The following SYNE2 variants were observed in gnomAD, a reference collection of about 807,000 sequenced individuals.
The protein encoded by SYNE2 is nesprin-2.
SYNE2 carries 431 observed loss-of-function variants against 856.3 expected under a neutral mutation model. The observed-to-expected ratio is 0.50, with a 90% CI of 0.47 to 0.55. SYNE2 has a LOEUF of 0.55. Ranked by LOEUF, SYNE2 falls within the 20% of genes least tolerant of loss-of-function variation. SYNE2 has a pLI of 0.00. For missense variants in SYNE2, 8,129 were observed against 8,023.2 expected (o/e 1.01, Z -0.50); for synonymous variants, 2,923 against 2,872.3 (o/e 1.02, Z -0.56).
At chr14:63,951,809 A>G (rs138934221) in intron 7 of SYNE2, among the ~76,000 whole-genome samples, 7 of 152,314 alleles carry the variant, frequency 4.6e-5, no homozygotes, top group African/African-American at 1.2e-4. Context: ...GATTTATTTC[A>G]TTTATGCATA....
chr14:64,125,217 G>A lies in SYNE2; in HGVS notation c.13554+7G>A. ...AAGTAACCTTCAGACACAGGTAGAA[G>A]CTGCACACAATGTGTTTTCCTCATT... On this transcript the variant is annotated splice_region_variant and intron_variant, in intron 71 of 115. Transcript: ENST00000555002. 1 of 1,614,042 alleles carries A rather than the reference G, an allele frequency of 6.2e-7. No homozygotes were observed. Among genetic ancestry groups the A allele is most frequent in the Non-Finnish European group, 8.5e-7 (1 of 1,179,982 alleles).
chr14:64,070,830 G>C lies in SYNE2; in HGVS notation c.10617G>C (p.Gln3539His). 1 of 1,614,182 alleles carries C rather than the reference G, an allele frequency of 6.2e-7. No individual in the cohort carries two copies. The highest frequency in any genetic ancestry group is 8.5e-7 in the Non-Finnish European group (1 of 1,180,028). ...TTCTTCAGCGCATCAGAAGTATCCA[G>C]AATGTTCCTGAAAGCTCAGGGGCTG... is the stretch of plus-strand genomic sequence containing the variant. ...TLLLQRIRSI[Q>H]NVPESSGAVE... The change falls in exon 52 of 116, where the codon CAG becomes CAC. Residue 3539 changes from glutamine to histidine, a missense_variant. Gln to His is a conservative substitution (Grantham distance 24). Around this residue, in one of 3 missense-constraint regions of SYNE2, gnomAD observed 5,410 missense variants for 5,284.8 expected, o/e 1.02. Transcript: ENST00000555002.
At position 63,967,707 on chromosome 14, in the gene SYNE2, A is replaced by G; in HGVS notation, c.991-2A>G. 2 of 1,613,896 alleles carry G rather than the reference A, an allele frequency of 1.2e-6. No individual in the cohort carries two copies. Among genetic ancestry groups the G allele is most frequent in the Non-Finnish European group, 8.5e-7 (1 of 1,179,802 alleles). On this transcript the variant is annotated splice_acceptor_variant, in intron 10 of 115. Transcript: ENST00000555002. LOFTEE classifies it high-confidence loss of function. Reference sequence around the variant, plus strand: ...ATCTTTAAAATACTCTTCTAATTGCAGAGCCTGCTGTCCTTTATGGAGTCA... The same window carrying G: ...ATCTTTAAAATACTCTTCTAATTGCGGAGCCTGCTGTCCTTTATGGAGTCA...
At chr14:64,020,911 T>G (rs2096931340) in intron 35 of SYNE2, among the ~76,000 whole-genome samples, 1 of 152,210 alleles carries the variant, frequency 6.6e-6, no homozygotes, top group South Asian at 2.1e-4. Flanking sequence ...AAGCCTGTAT[T>G]TTGTACACAA....
At chr14:63,851,769 A>G (rs536142112), upstream of SYNE2, among the ~76,000 whole-genome samples, 41 of 151,934 alleles carry the variant, frequency 2.7e-4, no homozygotes, top group South Asian at 1.0e-3. Flanking sequence ...CCACAGACAT[A>G]TATATGAACT....
chr14:64,053,756 C>A, intron 48 of SYNE2, 99 bp downstream of exon 48: 1 of 1,183,194 alleles, frequency 8.5e-7, no homozygotes, highest in Non-Finnish European at 1.2e-6. Flanking sequence ...CACTTGAGGC[C>A]AAGTAGAGAC....
chr14:63,948,810 A>G (rs1267304558), intron 6 of SYNE2, among the ~76,000 whole-genome samples: 18 of 107,698 alleles, frequency 1.7e-4, no homozygotes, highest in South Asian at 8.7e-4. Flanking sequence ...ATATATATAT[A>G]TATATATATA....
intron 84 of SYNE2, among the ~76,000 whole-genome samples, chr14:64,150,814 T>G (rs1472469447): frequency 6.6e-6 from 1 of 152,170 alleles, no homozygotes; most frequent in Non-Finnish European, 1.5e-5. Context: ...TAAATAAGGC[T>G]GTCAGGGTGT....
At chr14:63,879,168 C>T (rs1317245256) in intron 1 of SYNE2, among the ~76,000 whole-genome samples, 8 of 152,182 alleles carry the variant, frequency 5.3e-5, no homozygotes, top group Non-Finnish European at 1.2e-4. Context: ...CCTACCCCAA[C>T]CTTGAGTTGG....
intron 18 of SYNE2, among the ~76,000 whole-genome samples, chr14:63,985,067 G>A (rs1321212860): frequency 6.6e-6 from 1 of 152,052 alleles, no homozygotes; most frequent in Non-Finnish European, 1.5e-5. Context: ...GGCTGGGAGC[G>A]GTGGCTCATG....
chr14:63,886,553 G>A (rs760204622), intron 1 of SYNE2, among the ~76,000 whole-genome samples: 39 of 152,234 alleles, frequency 2.6e-4, no homozygotes, highest in Non-Finnish European at 1.8e-4. Context: ...TTTATTTACT[G>A]GATGTATATC....
At chr14:64,198,023 A>G (rs922377551) in intron 99 of SYNE2, among the ~76,000 whole-genome samples, 11 of 152,272 alleles carry the variant, frequency 7.2e-5, no homozygotes, top group African/African-American at 2.7e-4. Context: ...TAAAGAGCCT[A>G]TGCAGGTGGA....
At chr14:63,975,640 TG>T (rs1453260927) in intron 11 of SYNE2, among the ~76,000 whole-genome samples, 1 of 152,196 alleles carries the variant, frequency 6.6e-6, no homozygotes, top group Non-Finnish European at 1.5e-5. Flanking sequence ...AACCTGTACA[TG>T]TATTTTTAAG....
In SYNE2 at chr14:64,098,051, T is replaced by G; in HGVS notation, c.12211T>G (p.Leu4071Val). The G allele has an allele frequency of 1.9e-6, 3 of 1,614,150 alleles. No homozygotes were observed. The highest frequency in any genetic ancestry group is 2.5e-6 in the Non-Finnish European group (3 of 1,180,032). ...KATVLNLHQH[L>V]KQEQEGVERD... ...CACCGTACTAAACCTTCACCAGCAT[T>G]TGAAGCAAGAACAAGAAGGAGTAGA... The change falls in exon 62 of 116, where the codon TTG (leucine) becomes GTG (valine). Residue 4071 changes from leucine to valine, a missense_variant. By Grantham distance (32) the Leu-to-Val change is conservative. Transcript: ENST00000555002.
At chr14:64,178,560 C>T (rs557030886) in intron 96 of SYNE2, among the ~76,000 whole-genome samples, 74 of 151,480 alleles carry the variant, frequency 4.9e-4, no homozygotes, top group African/African-American at 1.7e-3. Flanking sequence ...CAAGCTCAAG[C>T]GATCCTCCTA....
chr14:63,977,870 A>G, intron 12 of SYNE2, 35 bp from the exon 13 acceptor site: 1 of 1,381,864 alleles, frequency 7.2e-7, no homozygotes. Flanking sequence ...GTTTGGCAAT[A>G]AGTATCGTTT....
chr14:64,014,554 G>C (rs1280817663), intron 32 of SYNE2, among the ~76,000 whole-genome samples: 1 of 151,988 alleles, frequency 6.6e-6, no homozygotes, highest in African/African-American at 2.4e-5. Flanking sequence ...AGACTCCTGA[G>C]TAGCTGGGAC....
At chr14:64,205,035 C>T (rs1398760899) in intron 100 of SYNE2, among the ~76,000 whole-genome samples, 1 of 152,212 alleles carries the variant, frequency 6.6e-6, no homozygotes, top group Non-Finnish European at 1.5e-5. Context: ...CTAGTCACAT[C>T]TCCCTCTAGC....
intron 66 of SYNE2, among the ~76,000 whole-genome samples, chr14:64,117,192 G>A (rs2097859374): frequency 6.6e-6 from 1 of 152,140 alleles, no homozygotes; most frequent in African/African-American, 2.4e-5. Context: ...GGAACTAGAA[G>A]TATTTTGCAT....
Sources: allele counts gnomAD v4.1 joint callset (sites outside exome capture counted in the v4.1 genomes callset), GRCh38; gene constraint gnomAD v4.1.1; regional missense constraint gnomAD v4.1.1; transcripts MANE v1.5; gene names NCBI Gene and HGNC (gene_info 2026-07-23, HGNC 2026-07-21).